PLEKHA7: variants seen among roughly 807,000 people sequenced by gnomAD.
PLEKHA7 encodes pleckstrin homology domain-containing family A member 7.
In PLEKHA7, 104 loss-of-function variants were observed where a neutral mutation model predicts 170.0. That is an observed-to-expected ratio of 0.61 (90% CI 0.52 to 0.72). PLEKHA7 has a LOEUF of 0.72. Among genes scored for constraint, PLEKHA7 ranks in the 30% least tolerant of loss-of-function variants. PLEKHA7 has a pLI of 0.00. For synonymous variants in PLEKHA7, 648 were observed against 660.8 expected, an observed-to-expected ratio of 0.98 and a Z score of 0.30; for missense variants, 1,615 against 1,671.7, an observed-to-expected ratio of 0.97 and a Z score of 0.59.
rs192132090 is a variant in PLEKHA7 at position 16,951,376 on chromosome 11, G to A, written c.221+62613C>T. Among the ~76,000 whole-genome samples, 5 of 152,262 alleles carry A rather than the reference G, an allele frequency of 3.3e-5. No individual in the cohort carries two copies. The South Asian group carries it at 6.2e-4, about 19-fold the overall frequency. On this transcript the variant is annotated intron_variant, in intron 3 of 26. Coordinates refer to ENST00000531066, the MANE Select transcript of PLEKHA7 (RefSeq NM_001329630.2). ...TGACGATGATGATGATGATGATGAC[G>A]AAGAAGACAACAACAATAACGGTGC...
chr11:16,926,405 T>C (rs1161498349), intron 3 of PLEKHA7, among the ~76,000 whole-genome samples: 1 of 152,226 alleles, frequency 6.6e-6, no homozygotes, highest in Non-Finnish European at 1.5e-5. Flanking sequence ...AATTCATTCA[T>C]TAGCACCCGT....
intron 4 of PLEKHA7, among the ~76,000 whole-genome samples, chr11:16,864,681 A>T (rs1157138415): frequency 1.3e-5 from 2 of 151,702 alleles, no homozygotes; most frequent in Non-Finnish European, 2.9e-5. Flanking sequence ...CCCTGCACAC[A>T]CTCTCTTGCC....
chr11:16,950,123 G>A (rs866086421), intron 3 of PLEKHA7, among the ~76,000 whole-genome samples: 1 of 151,764 alleles, frequency 6.6e-6, no homozygotes. Flanking sequence ...GAGGGAGCAG[G>A]GAGAGGAGTC....
chr11:16,819,721 TCA>T (rs1234286575), intron 10 of PLEKHA7, among the ~76,000 whole-genome samples: 1 of 152,168 alleles, frequency 6.6e-6, no homozygotes, highest in Non-Finnish European at 1.5e-5. Flanking sequence ...GTGTATGACC[TCA>T]CTTATATGTG....
chr11:16,802,890 T>C, intron 15 of PLEKHA7, 82 bp downstream of exon 15: 1 of 1,183,384 alleles, frequency 8.5e-7, no homozygotes, highest in Non-Finnish European at 1.3e-6. Flanking sequence ...AATACTAACA[T>C]GAGGGTCCAG....
intron 4 of PLEKHA7, among the ~76,000 whole-genome samples, chr11:16,866,787 G>A (rs1854432985): frequency 6.6e-6 from 1 of 152,092 alleles, no homozygotes; most frequent in Admixed American, 6.6e-5. Flanking sequence ...CATGTCCTCT[G>A]GCCCCATTAG....
chr11:16,888,951 A>G (rs984929934), intron 3 of PLEKHA7, among the ~76,000 whole-genome samples: 1 of 134,850 alleles, frequency 7.4e-6, no homozygotes, highest in Non-Finnish European at 1.6e-5. Context: ...TAAAAAAAAA[A>G]AAAAAAATTA....
At chr11:16,782,418 C>T (rs1187000324) in intron 26 of PLEKHA7, among the ~76,000 whole-genome samples, 2 of 152,178 alleles carry the variant, frequency 1.3e-5, no homozygotes, top group African/African-American at 4.8e-5. Flanking sequence ...ACCTTGGCCC[C>T]TTGGCTCAGC....
chr11:16,859,763 A>T lies in PLEKHA7; in HGVS notation c.306-3849T>A, dbSNP rs562334509. On this transcript the variant is annotated intron_variant, in intron 4 of 26. Coordinates refer to ENST00000531066, the MANE Select transcript of PLEKHA7 (RefSeq NM_001329630.2). ...AAGAACCAACTTCTCTTCCCAGAGA[A>T]GAGCCTGTGCCCCCGAGCTGAGCAA... Among the ~76,000 whole-genome samples, 41 of 152,360 alleles carry T rather than the reference A, an allele frequency of 2.7e-4. No individual in the cohort carries two copies. The South Asian group carries it at 8.1e-3, about 30-fold the overall frequency.
chr11:16,987,126 A>C (rs1863777477), intron 3 of PLEKHA7, among the ~76,000 whole-genome samples: 1 of 152,192 alleles, frequency 6.6e-6, no homozygotes, highest in South Asian at 2.1e-4. Context: ...CCATGGCCCT[A>C]ATCTGCTGAG....
At chr11:17,002,989 C>CTTTTTTTTTTTTTTTTTTTTTTTTT (rs568718448) in intron 3 of PLEKHA7, among the ~76,000 whole-genome samples, 1 of 113,018 alleles carries the variant, frequency 8.8e-6, no homozygotes. Context: ...ATAGTTGTGC[C>CTTTTTTTTTTTTTTTTTTTTTTTTT]TTTTTTTTTT....
chr11:16,881,860 T>C (rs1855740491), intron 3 of PLEKHA7, among the ~76,000 whole-genome samples: 1 of 152,154 alleles, frequency 6.6e-6, no homozygotes, highest in Non-Finnish European at 1.5e-5. Flanking sequence ...CCACTCCCCC[T>C]GGTAACAATG....
intron 4 of PLEKHA7, among the ~76,000 whole-genome samples, chr11:16,857,708 A>ATTTGTTTG (rs112185316): frequency 0.091 from 13,898 of 152,058 alleles, 691 homozygotes; most frequent in Admixed American, 0.13. Context: ...ATTTGTTTGA[A>ATTTGTTTG]TTTGTTTGTT....
chr11:17,014,355 G>T lies in PLEKHA7; in HGVS notation c.47C>A (p.Ser16Tyr). 7.0e-7 allele frequency: 1 copy of T among 1,433,576 alleles called. No homozygotes were observed. The highest frequency in any genetic ancestry group is 9.2e-7 in the Non-Finnish European group (1 of 1,087,232). 88.8% of individuals were successfully genotyped at this position (1,433,576 alleles called of 1,614,324 possible). Residue 16 changes from serine to tyrosine, a missense_variant, in exon 1 of 27, where the codon TCC (serine) becomes TAC (tyrosine). Coordinates refer to ENST00000531066, the MANE Select transcript of PLEKHA7 (RefSeq NM_001329630.2). ...GCGGCCATCCCGGCACACCCCGTAGGACCAATGCTCAGGTAAAGTGTCCCG... is the reference window on the plus strand; with the variant it reads ...GCGGCCATCCCGGCACACCCCGTAGTACCAATGCTCAGGTAAAGTGTCCCG... Reference protein sequence around the residue: ...VGRDTLPEHWSYGVCRDGRVF... With the variant: ...VGRDTLPEHWYYGVCRDGRVF...
intron 6 of PLEKHA7, among the ~76,000 whole-genome samples, chr11:16,852,934 ATGTT>A (rs1342659704): frequency 6.6e-6 from 1 of 152,206 alleles, no homozygotes; most frequent in Non-Finnish European, 1.5e-5. Flanking sequence ...TGAAATGTAA[ATGTT>A]TGTATTTATC....
intron 3 of PLEKHA7, among the ~76,000 whole-genome samples, chr11:16,954,267 G>T (rs1211958656): frequency 1.3e-5 from 2 of 152,176 alleles, no homozygotes; most frequent in Non-Finnish European, 2.9e-5. Context: ...TGTAATCTCA[G>T]CACTTTGGGA....
At chr11:16,879,746 G>A (rs1855572695) in intron 3 of PLEKHA7, among the ~76,000 whole-genome samples, 1 of 152,218 alleles carries the variant, frequency 6.6e-6, no homozygotes, top group Non-Finnish European at 1.5e-5. Context: ...AAAGAGGGAA[G>A]TCCGTCTTTT....
chr11:16,816,840 A>G lies in PLEKHA7; in HGVS notation c.1826T>C (p.Leu609Pro), dbSNP rs763561944. 7.4e-6 allele frequency: 12 copies of G among 1,614,034 alleles called. No homozygotes were observed. In the South Asian group the frequency reaches 1.2e-4, roughly 16 times the overall value. Residue 609 changes from leucine to proline, a missense_variant, in exon 11 of 27, where the codon CTG becomes CCG. Physicochemically the swap from Leu to Pro is moderately conservative, Grantham distance 98. Coordinates refer to ENST00000531066, the MANE Select transcript of PLEKHA7 (RefSeq NM_001329630.2). ...PDQRRSVDIS[L>P]GDSPRRARGH... The stretch of plus-strand genomic sequence containing the variant: ...CCGTGCCCTCCTTGGAGAATCCCCC[A>G]GCGAGATGTCCACACTCCTCCTCTG...
chr11:16,982,299 A>G (rs909984925), intron 3 of PLEKHA7, among the ~76,000 whole-genome samples: 1 of 152,264 alleles, frequency 6.6e-6, no homozygotes, highest in Non-Finnish European at 1.5e-5. Context: ...CTTGCAGGGC[A>G]GAGACAGACC....
Sources: gnomAD v4.1 joint callset for allele counts (sites outside exome capture counted in the v4.1 genomes callset) on GRCh38, gnomAD v4.1.1 for gene constraint, MANE v1.5 for transcripts, NCBI Gene and HGNC (gene_info 2026-07-23, HGNC 2026-07-21) for gene names.